The following TADA2A variants were observed in gnomAD, a reference collection of about 807,000 sequenced individuals.
The protein encoded by TADA2A is transcriptional adapter 2-alpha.
A neutral mutation model predicts 67.4 loss-of-function variants in TADA2A; 38 were observed. That is an observed-to-expected ratio of 0.56 (90% confidence interval 0.44 to 0.74). TADA2A has a LOEUF of 0.74. Among genes scored for constraint, TADA2A ranks in the 30% least tolerant of loss-of-function variants. The probability of loss-of-function intolerance (pLI) is 0.00; values close to 1 mark genes in which losing one functional copy is unlikely to be tolerated. For missense variants in TADA2A, 454 were observed against 547.0 expected, an observed-to-expected ratio of 0.83 and a Z score of 1.70; for synonymous variants, 192 against 181.6, an observed-to-expected ratio of 1.06 and a Z score of -0.46.
intron 6 of TADA2A, among the ~76,000 whole-genome samples, chr17:37,442,267 A>T (rs536349258): frequency 7.8e-6 from 1 of 128,140 alleles, no homozygotes; most frequent in South Asian, 2.5e-4. Context: ...ATCCTAAGGG[A>T]TAAGGGAGCC....
intron 7 of TADA2A, among the ~76,000 whole-genome samples, chr17:37,443,441 A>G (rs900843620): frequency 6.6e-6 from 1 of 152,040 alleles, no homozygotes; most frequent in Non-Finnish European, 1.5e-5. Flanking sequence ...TTTAGTAGAG[A>G]TAGGGTTTCA....
intron 12 of TADA2A, among the ~76,000 whole-genome samples, chr17:37,469,924 G>C (rs571569191): frequency 1.3e-5 from 2 of 152,158 alleles, no homozygotes; most frequent in Non-Finnish European, 2.9e-5. Context: ...CCTGATATTG[G>C]CTGCCTCTAA....
intron 3 of TADA2A, 57 bp from the exon 4 acceptor site, chr17:37,426,893 C>A (rs374983596): frequency 6.7e-7 from 1 of 1,490,544 alleles, no homozygotes; most frequent in Non-Finnish European, 9.1e-7. Context: ...ATAACACAAA[C>A]CTCCTCTGTC....
intron 3 of TADA2A, among the ~76,000 whole-genome samples, chr17:37,423,942 G>T (rs1303833529): frequency 1.3e-5 from 2 of 151,744 alleles, no homozygotes; most frequent in African/African-American, 4.8e-5. Context: ...TAGAGACGGG[G>T]TTTCACCATG....
chr17:37,462,079 A>C lies in TADA2A; in HGVS notation c.670A>C (p.Ile224Leu). ...AATTATTGTGGCTTTTCATTCTAGAATTATAAGAGACCATGGATTAATCAA... is the reference window on the plus strand; with the variant it reads ...AATTATTGTGGCTTTTCATTCTAGACTTATAAGAGACCATGGATTAATCAA... ...RLKERQRRKK[I>L]IRDHGLINLR... is the part of the protein sequence containing the mutation. The change falls in exon 10 of 16, where the codon ATT becomes CTT. Residue 224 changes from isoleucine to leucine, a missense_variant and splice_region_variant. Ile to Leu is a conservative substitution (Grantham distance 5). Coordinates refer to ENST00000615182, the MANE Select transcript of TADA2A (RefSeq NM_001166105.3). 6.4e-7 allele frequency: 1 copy of C among 1,570,044 alleles called. No homozygotes were observed.
chr17:37,463,911 C>T (rs2148029239), intron 10 of TADA2A, among the ~76,000 whole-genome samples: 1 of 152,030 alleles, frequency 6.6e-6, no homozygotes, highest in Non-Finnish European at 1.5e-5. Flanking sequence ...CAAGATCGTG[C>T]TACTGCTCTC....
chr17:37,462,159 TC>T, intron 10 of TADA2A, 38 bp downstream of exon 10: 1 of 1,358,892 alleles, frequency 7.4e-7, no homozygotes, highest in South Asian at 1.3e-5. Flanking sequence ...ACAATTTTTT[TC>T]CAATATTATT....
chr17:37,434,766 C>T (rs1431744217), intron 4 of TADA2A, among the ~76,000 whole-genome samples: 1 of 152,130 alleles, frequency 6.6e-6, no homozygotes, highest in East Asian at 1.9e-4. Flanking sequence ...ATGATTACTT[C>T]CCTTTATTTA....
intron 6 of TADA2A, 92 bp downstream of exon 6, chr17:37,440,754 G>A: frequency 6.9e-7 from 1 of 1,449,970 alleles, no homozygotes; most frequent in Admixed American, 2.0e-5. Context: ...GACTTGGACA[G>A]CTAATGATAT....
chr17:37,413,934 G>C (rs1026440267), intron 2 of TADA2A, among the ~76,000 whole-genome samples: 1 of 151,920 alleles, frequency 6.6e-6, no homozygotes, highest in Non-Finnish European at 1.5e-5. Flanking sequence ...GTAGTTTTTG[G>C]GTCCTCTCCC....
At chr17:37,448,726 T>A (rs568389973) in intron 8 of TADA2A, among the ~76,000 whole-genome samples, 1 of 152,212 alleles carries the variant, frequency 6.6e-6, no homozygotes, top group Non-Finnish European at 1.5e-5. Flanking sequence ...GCAAGAGATA[T>A]GATGAGCTCC....
At chr17:37,458,475 AAT>A in intron 8 of TADA2A, 47 bp from the exon 9 acceptor site, 2 of 1,158,274 alleles carry the variant, frequency 1.7e-6, no homozygotes, top group Non-Finnish European at 2.2e-6. Flanking sequence ...TTATTTATAT[AAT>A]ATATATATGA....
At chr17:37,451,198 A>G (rs1363104151) in intron 8 of TADA2A, among the ~76,000 whole-genome samples, 2 of 152,040 alleles carry the variant, frequency 1.3e-5, no homozygotes, top group Non-Finnish European at 2.9e-5. Context: ...TGGCTAATTT[A>G]TAAAAAAAAT....
chr17:37,465,378 C>G, intron 10 of TADA2A, 53 bp from the exon 11 acceptor site: 1 of 1,370,650 alleles, frequency 7.3e-7, no homozygotes, highest in Non-Finnish European at 1.0e-6. Flanking sequence ...ATGCTGAAAA[C>G]TCAGGGATCC....
At chr17:37,425,568 A>G (rs1024058989) in intron 3 of TADA2A, among the ~76,000 whole-genome samples, 1 of 152,196 alleles carries the variant, frequency 6.6e-6, no homozygotes, top group Non-Finnish European at 1.5e-5. Flanking sequence ...AAGCACCTCA[A>G]TTTCAGAAAT....
At chr17:37,416,590 C>T (rs1298496565) in intron 2 of TADA2A, among the ~76,000 whole-genome samples, 1 of 152,060 alleles carries the variant, frequency 6.6e-6, no homozygotes, top group Non-Finnish European at 1.5e-5. Context: ...CACTCGGCCA[C>T]ACATGGTGGC....
chr17:37,464,610 C>T (rs1305302471), intron 10 of TADA2A, among the ~76,000 whole-genome samples: 2 of 151,262 alleles, frequency 1.3e-5, no homozygotes, highest in Non-Finnish European at 2.9e-5. Context: ...GAGGCCGAGG[C>T]GAGCAGATTG....
chr17:37,459,793 C>T (rs1216875955), intron 9 of TADA2A, among the ~76,000 whole-genome samples: 2 of 151,146 alleles, frequency 1.3e-5, no homozygotes, highest in Non-Finnish European at 1.5e-5. Flanking sequence ...AGACTGGGCG[C>T]GGTGGCTCAC....
intron 2 of TADA2A, among the ~76,000 whole-genome samples, chr17:37,411,936 C>T (rs546884156): frequency 2.0e-5 from 3 of 151,012 alleles, no homozygotes; most frequent in South Asian, 2.1e-4. Context: ...AGCAGCCGGG[C>T]GTGGTGGCTC....
Sources: gnomAD v4.1 joint callset for allele counts (sites outside exome capture counted in the v4.1 genomes callset) on GRCh38, gnomAD v4.1.1 for gene constraint, MANE v1.5 for transcripts, NCBI Gene and HGNC (gene_info 2026-07-23, HGNC 2026-07-21) for gene names.